THADA: variants seen among roughly 807,000 people sequenced by gnomAD.
THADA encodes THADA armadillo repeat containing, also known as tRNA (32-2'-O)-methyltransferase regulator THADA.
THADA carries 213 observed loss-of-function variants against 219.8 expected under a neutral mutation model. The ratio of observed to expected loss-of-function variants is 0.97; its 90% CI spans 0.87 to 1.09. The LOEUF (loss-of-function observed/expected upper bound fraction) is 1.09, where lower values mean the gene tolerates loss of function less well. Among genes scored for constraint, THADA ranks in the 50% least tolerant of loss-of-function variants. The probability of loss-of-function intolerance (pLI) is 0.00; values close to 1 mark genes in which losing one functional copy is unlikely to be tolerated. For missense variants in THADA, 2,956 were observed against 2,311.3 expected, an observed-to-expected ratio of 1.28 and a Z score of -5.72; for synonymous variants, 1,018 against 828.9, an observed-to-expected ratio of 1.23 and a Z score of -3.92.
intron 28 of THADA, among the ~76,000 whole-genome samples, chr2:43,419,572 C>A (rs1023278536): frequency 6.6e-6 from 1 of 152,086 alleles, no homozygotes; most frequent in Non-Finnish European, 1.5e-5. Flanking sequence ...TTCTATTTCC[C>A]AATTCTTATT....
chr2:43,363,592 A>G (rs1266667472), intron 29 of THADA, among the ~76,000 whole-genome samples: 1 of 152,234 alleles, frequency 6.6e-6, no homozygotes, highest in Non-Finnish European at 1.5e-5. Context: ...GATGTCTTCA[A>G]CTTTGGTTAT....
chr2:43,512,922 TCTTA>T (rs747071881), intron 22 of THADA, among the ~76,000 whole-genome samples: 27 of 152,356 alleles, frequency 1.8e-4, no homozygotes, highest in Non-Finnish European at 2.5e-4. Context: ...TCACAGCTGC[TCTTA>T]CTTCATTCTT....
At chr2:43,235,336 C>T (rs1667912709) in intron 36 of THADA, among the ~76,000 whole-genome samples, 1 of 152,104 alleles carries the variant, frequency 6.6e-6, no homozygotes. Flanking sequence ...TCTTGTTGCC[C>T]AGGCTGGAGT....
chr2:43,282,793 G>C (rs757563026), intron 35 of THADA, among the ~76,000 whole-genome samples: 2 of 152,156 alleles, frequency 1.3e-5, no homozygotes, highest in Non-Finnish European at 2.9e-5. Flanking sequence ...TCTCAAGCTT[G>C]GTTTTCTTAT....
intron 26 of THADA, among the ~76,000 whole-genome samples, chr2:43,462,528 A>C (rs1377654994): frequency 6.6e-6 from 1 of 152,224 alleles, no homozygotes; most frequent in Non-Finnish European, 1.5e-5. Flanking sequence ...TAATATGTTC[A>C]AACATTCAGA....
At chr2:43,423,567 G>C (rs1156625073) in intron 28 of THADA, among the ~76,000 whole-genome samples, 2 of 151,920 alleles carry the variant, frequency 1.3e-5, no homozygotes, top group Admixed American at 6.6e-5. Flanking sequence ...CGAGTAGCTG[G>C]GACTACAGGC....
chr2:43,461,018 G>C (rs1020629839), intron 26 of THADA, among the ~76,000 whole-genome samples: 2 of 152,196 alleles, frequency 1.3e-5, no homozygotes, highest in Non-Finnish European at 2.9e-5. Context: ...TTGAGGCAGA[G>C]GTGTATAAGG....
intron 15 of THADA, chr2:43,565,224 G>C (rs1294769725): frequency 6.6e-6 from 1 of 152,148 alleles, no homozygotes; most frequent in Non-Finnish European, 1.5e-5. Flanking sequence ...GACAACCTGA[G>C]GTCAGGAGTT....
intron 29 of THADA, among the ~76,000 whole-genome samples, chr2:43,347,474 G>A (rs894575700): frequency 6.6e-6 from 1 of 152,086 alleles, no homozygotes; most frequent in South Asian, 2.1e-4. Context: ...TGCAAGCAGT[G>A]AAAACAATTA....
In THADA at chr2:43,551,521, T is replaced by G. The variant is rs542464269; in HGVS notation, c.2947+268A>C. 9.2e-5 allele frequency among the ~76,000 whole-genome samples: 14 copies of G among 152,048 alleles called. No individual in the cohort carries two copies. In the East Asian group the frequency reaches 2.5e-3, roughly 27 times the overall value. The stretch of plus-strand genomic sequence containing the variant: ...AATTTTCAGATTTGGGATGTTCAAC[T>G]TATACAGTATTATATAACTCAAGTT... On this transcript the variant is annotated intron_variant, in intron 19 of 37. Transcript: ENST00000405975.
chr2:43,560,263 T>G lies in THADA; in HGVS notation c.2434A>C (p.Lys812Gln), dbSNP rs764941109. The G allele has an allele frequency of 1.9e-6, 3 of 1,612,476 alleles. No individual in the cohort carries two copies. Among genetic ancestry groups the G allele is most frequent in the South Asian group, 1.1e-5 (1 of 90,752 alleles). The change falls in exon 16 of 38, where the codon AAG becomes CAG. Residue 812 changes from lysine to glutamine, a missense_variant. Physicochemically the swap from Lys to Gln is moderately conservative, Grantham distance 53. Transcript: ENST00000405975. ...VKILAFDLLM[K>Q]LSKTAVHFQD... ...AAATGTACAGCTGTTTTTGATAACT[T>G]CATCAGAAGATCAAATGCTAAAATT...
intron 24 of THADA, among the ~76,000 whole-genome samples, chr2:43,504,979 T>C (rs1370960508): frequency 6.6e-6 from 1 of 152,218 alleles, no homozygotes; most frequent in Non-Finnish European, 1.5e-5. Flanking sequence ...TAGTTATTAA[T>C]ATTTACTCCC....
intron 36 of THADA, among the ~76,000 whole-genome samples, chr2:43,248,026 G>C (rs1669339629): frequency 6.6e-6 from 1 of 150,448 alleles, no homozygotes; most frequent in Non-Finnish European, 1.5e-5. Context: ...CTGGGCGTCA[G>C]AGCAAAACCC....
chr2:43,456,367 C>T (rs897747245), intron 26 of THADA, among the ~76,000 whole-genome samples: 1 of 152,118 alleles, frequency 6.6e-6, no homozygotes, highest in African/African-American at 2.4e-5. Flanking sequence ...GCTGCTACTA[C>T]ATCATGGAAT....
At chr2:43,407,500 G>C (rs1046001839) in intron 28 of THADA, among the ~76,000 whole-genome samples, 47 of 152,154 alleles carry the variant, frequency 3.1e-4, no homozygotes, top group African/African-American at 1.1e-3. Flanking sequence ...CAAATCATAG[G>C]TGCTGAGTAA....
intron 31 of THADA, among the ~76,000 whole-genome samples, chr2:43,293,426 G>A (rs1410641345): frequency 6.6e-6 from 1 of 151,978 alleles, no homozygotes; most frequent in South Asian, 2.1e-4. Flanking sequence ...TTTCCAACAG[G>A]GGCACAAAGG....
chr2:43,231,097 G>A lies in THADA; in HGVS notation c.5713C>T (p.Arg1905Cys), dbSNP rs199996414. Residue 1905 changes from arginine to cysteine, a missense_variant, in exon 38 of 38, where the codon CGC becomes TGC. Arg to Cys is a radical substitution (Grantham distance 180). Transcript: ENST00000405975. ...GCCAAAGTCCTTTCCTCTTGAATGC[G>A]TAGTCTTGTGAACTCCACTGTCTTC... ...FVKTVEFTRL[R>C]IQEERTLACL... The A allele has an allele frequency of 7.4e-5, 120 of 1,613,884 alleles. No homozygotes were observed. The Admixed American group carries it at 1.8e-3, about 24-fold the overall frequency.
At chr2:43,330,113 C>A (rs368702633) in intron 30 of THADA, among the ~76,000 whole-genome samples, 1 of 152,222 alleles carries the variant, frequency 6.6e-6, no homozygotes, top group African/African-American at 2.4e-5. Context: ...CTTGAGTATT[C>A]TCTGCCTCTC....
At chr2:43,549,881 T>A (rs1334934733) in intron 19 of THADA, among the ~76,000 whole-genome samples, 1 of 151,890 alleles carries the variant, frequency 6.6e-6, no homozygotes, top group Admixed American at 6.6e-5. Context: ...GATAGAAAGG[T>A]AAAAAGACAT....
Sources: allele counts gnomAD v4.1 joint callset (sites outside exome capture counted in the v4.1 genomes callset), GRCh38; gene constraint gnomAD v4.1.1; transcripts MANE v1.5; gene names NCBI Gene and HGNC (gene_info 2026-07-23, HGNC 2026-07-21).